Variants in EYS observed in about 807,000 individuals in gnomAD.
The protein encoded by EYS is protein eyes shut homolog.
EYS carries 250 observed loss-of-function variants against 282.1 expected under a neutral mutation model. That is an observed-to-expected ratio of 0.89 (90% CI 0.80 to 0.98). The LOEUF is 0.98. EYS is among the 50% of genes least tolerant of loss of function. The pLI is 0.00. For missense variants in EYS, 4,016 were observed against 3,709.0 expected, an observed-to-expected ratio of 1.08 and a Z score of -2.15; for synonymous variants, 1,355 against 1,282.9, an observed-to-expected ratio of 1.06 and a Z score of -1.20.
intron 5 of EYS, among the ~76,000 whole-genome samples, chr6:65,434,968 A>G (rs1768020277): frequency 6.6e-6 from 1 of 151,980 alleles, no homozygotes; most frequent in South Asian, 2.1e-4. Flanking sequence ...GGACAGAAGG[A>G]CTAGTATTCT....
intron 21 of EYS, among the ~76,000 whole-genome samples, chr6:64,816,891 TTAAA>T (rs922544174): frequency 1.5e-4 from 23 of 151,684 alleles, no homozygotes; most frequent in African/African-American, 5.3e-4. Context: ...AGGATACTAA[TTAAA>T]TAAATATGGT....
intron 29 of EYS, among the ~76,000 whole-genome samples, chr6:64,337,571 T>A (rs996009918): frequency 1.3e-5 from 2 of 151,950 alleles, no homozygotes; most frequent in African/African-American, 4.8e-5. Flanking sequence ...TTGGTAACAA[T>A]CCTTTTAACA....
intron 12 of EYS, among the ~76,000 whole-genome samples, chr6:65,079,974 T>G (rs1393656816): frequency 6.6e-6 from 1 of 152,136 alleles, no homozygotes; most frequent in Admixed American, 6.6e-5. Context: ...TGGTGCATTT[T>G]TATTACTATC....
chr6:65,410,390 G>A (rs966637103), intron 5 of EYS, among the ~76,000 whole-genome samples: 18 of 151,830 alleles, frequency 1.2e-4, no homozygotes, highest in Admixed American at 3.9e-4. Context: ...TCATTTATTC[G>A]TGGCAAGAAC....
intron 30 of EYS, among the ~76,000 whole-genome samples, chr6:64,297,778 G>A (rs1027785055): frequency 1.3e-5 from 2 of 152,056 alleles, no homozygotes; most frequent in African/African-American, 4.8e-5. Flanking sequence ...AGGTGCTTGA[G>A]ACTAGCCTGG....
intron 1 of EYS, among the ~76,000 whole-genome samples, chr6:65,660,785 T>C (rs1457988605): frequency 6.6e-6 from 1 of 151,854 alleles, no homozygotes; most frequent in African/African-American, 2.4e-5. Context: ...TTTATTTGCA[T>C]GTGAAGCTTT....
intron 12 of EYS, among the ~76,000 whole-genome samples, chr6:65,163,924 T>C (rs541010036): frequency 6.6e-6 from 1 of 151,316 alleles, no homozygotes; most frequent in East Asian, 2.0e-4. Context: ...AGGTATCAAT[T>C]AGCTGGCACT....
chr6:65,291,836 A>C (rs1190261325), intron 12 of EYS, among the ~76,000 whole-genome samples: 1 of 151,616 alleles, frequency 6.6e-6, no homozygotes, highest in Non-Finnish European at 1.5e-5. Flanking sequence ...ACATCAGAGA[A>C]CTTAAGCCAC....
chr6:65,408,536 T>C (rs1247834137), intron 5 of EYS, among the ~76,000 whole-genome samples: 2 of 152,148 alleles, frequency 1.3e-5, no homozygotes, highest in Non-Finnish European at 2.9e-5. Context: ...TATCTCCTTA[T>C]AATCTTTTAA....
At chr6:64,074,255 G>T (rs1771687630) in intron 32 of EYS, among the ~76,000 whole-genome samples, 1 of 151,312 alleles carries the variant, frequency 6.6e-6, no homozygotes, top group South Asian at 2.1e-4. Context: ...ATAGATTCCA[G>T]TATCTAAATG....
intron 22 of EYS, among the ~76,000 whole-genome samples, chr6:64,781,334 C>T (rs1004990145): frequency 6.6e-6 from 1 of 151,998 alleles, no homozygotes; most frequent in Non-Finnish European, 1.5e-5. Flanking sequence ...TATAAAAATT[C>T]GTCAGTAATT....
chr6:64,585,296 A>G (rs1207224617), intron 26 of EYS, among the ~76,000 whole-genome samples: 1 of 152,106 alleles, frequency 6.6e-6, no homozygotes, highest in Non-Finnish European at 1.5e-5. Flanking sequence ...ACATAGGACC[A>G]GCAGACACTT....
At chr6:64,167,281 G>T (rs1238035397) in intron 31 of EYS, among the ~76,000 whole-genome samples, 7 of 152,104 alleles carry the variant, frequency 4.6e-5, no homozygotes, top group Non-Finnish European at 1.0e-4. Context: ...ACATCAATGT[G>T]GAAAATGATG....
intron 19 of EYS, among the ~76,000 whole-genome samples, chr6:64,868,446 T>G (rs1272588769): frequency 6.6e-6 from 1 of 151,546 alleles, no homozygotes; most frequent in African/African-American, 2.4e-5. Flanking sequence ...ACAAAGCCAA[T>G]GTTTCCAATG....
At chr6:63,775,235 G>T (rs770098038) in intron 40 of EYS, among the ~76,000 whole-genome samples, 13 of 152,096 alleles carry the variant, frequency 8.5e-5, no homozygotes, top group Non-Finnish European at 1.3e-4. Context: ...ACCTTATCAG[G>T]CCCCATCTCT....
At chr6:65,561,675 T>A (rs534943196) in intron 2 of EYS, among the ~76,000 whole-genome samples, 1 of 152,222 alleles carries the variant, frequency 6.6e-6, no homozygotes, top group Non-Finnish European at 1.5e-5. Context: ...ATATTTAAAC[T>A]AATAAATATT....
At position 64,711,176 on chromosome 6, in the gene EYS, A is replaced by G. The variant is rs542122970; in HGVS notation, c.3444-84931T>C. 4.6e-5 allele frequency among the ~76,000 whole-genome samples: 7 copies of G among 152,348 alleles called. No individual in the cohort carries two copies. The South Asian group carries it at 1.2e-3, about 27-fold the overall frequency. ...TTTACCTCAAAAATTGATTGCACCA[A>G]TATTTGATTTACAAGAAAATAAAGG... On this transcript the variant is annotated intron_variant, in intron 22 of 42. Coordinates refer to ENST00000503581, the MANE Select transcript of EYS (RefSeq NM_001142800.2).
intron 19 of EYS, 146 bp from the exon 20 acceptor site, chr6:64,822,968 TC>T: frequency 7.8e-6 from 5 of 642,006 alleles, no homozygotes; most frequent in Non-Finnish European, 1.3e-5. Flanking sequence ...AAAATATATT[TC>T]AAGGTTAAAT....
At chr6:64,837,087 C>A (rs1765403827) in intron 19 of EYS, among the ~76,000 whole-genome samples, 1 of 151,548 alleles carries the variant, frequency 6.6e-6, no homozygotes, top group South Asian at 2.1e-4. Context: ...AATAATAAAT[C>A]CATCTTTAAT....
Sources: gnomAD v4.1 joint callset for allele counts (sites outside exome capture counted in the v4.1 genomes callset) on GRCh38, gnomAD v4.1.1 for gene constraint, MANE v1.5 for transcripts, NCBI Gene and HGNC (gene_info 2026-07-23, HGNC 2026-07-21) for gene names.